PDE4D: variants seen among roughly 807,000 people sequenced by gnomAD.
PDE4D encodes the protein 3',5'-cyclic-AMP phosphodiesterase 4D.
Under a neutral mutation model 87.4 loss-of-function variants are expected in PDE4D, and 24 were observed. The ratio of observed to expected loss-of-function variants is 0.27; its 90% CI spans 0.20 to 0.39. The LOEUF is 0.39. Ranked by LOEUF, PDE4D falls within the 10% of genes least tolerant of loss-of-function variation. PDE4D has a pLI of 1.00. For missense variants in PDE4D, 714 were observed against 1,041.0 expected (o/e 0.69, Z 4.32); for synonymous variants, 384 against 383.2 (o/e 1.00, Z -0.02).
chr5:59,627,876 C>T (rs933428457), intron 1 of PDE4D, among the ~76,000 whole-genome samples: 2 of 152,112 alleles, frequency 1.3e-5, no homozygotes, highest in East Asian at 3.9e-4. Flanking sequence ...AAGAAATGAG[C>T]CCACACGTGA....
chr5:59,348,362 G>C (rs529618415), intron 1 of PDE4D, among the ~76,000 whole-genome samples: 11 of 152,068 alleles, frequency 7.2e-5, no homozygotes, highest in Non-Finnish European at 1.6e-4. Flanking sequence ...TCCACATTTA[G>C]TGACCTCTGC....
At chr5:59,596,941 T>C (rs1284093561) in intron 1 of PDE4D, among the ~76,000 whole-genome samples, 1 of 152,066 alleles carries the variant, frequency 6.6e-6, no homozygotes, top group Non-Finnish European at 1.5e-5. Flanking sequence ...AAAGAGACAG[T>C]GGCAATTACA....
chr5:59,067,237 A>C (rs1245448857), intron 5 of PDE4D, among the ~76,000 whole-genome samples: 1 of 151,746 alleles, frequency 6.6e-6, no homozygotes, highest in Non-Finnish European at 1.5e-5. Context: ...GGCTGGTCTG[A>C]AACTCCTGAC....
chr5:59,015,727 A>G (rs10042103), intron 6 of PDE4D, among the ~76,000 whole-genome samples: 15,486 of 152,096 alleles, frequency 0.1, 1,037 homozygotes, highest in Non-Finnish European at 0.13. Flanking sequence ...AATTCCTCAA[A>G]GGTCTAGAAC....
intron 1 of PDE4D, among the ~76,000 whole-genome samples, chr5:59,439,164 G>A (rs1471020706): frequency 6.6e-6 from 1 of 152,040 alleles, no homozygotes; most frequent in Non-Finnish European, 1.5e-5. Context: ...TTCGAGACCA[G>A]CTTGACCACC....
chr5:60,421,928 C>T (rs1381451339), intron 1 of PDE4D, among the ~76,000 whole-genome samples: 1 of 151,772 alleles, frequency 6.6e-6, no homozygotes, highest in African/African-American at 2.4e-5. Context: ...TAGATCAAGT[C>T]GAAGAAAGGA....
chr5:60,258,550 G>A (rs943742380), intron 1 of PDE4D, among the ~76,000 whole-genome samples: 2 of 151,892 alleles, frequency 1.3e-5, no homozygotes, highest in African/African-American at 4.8e-5. Flanking sequence ...CTTTTGAAAA[G>A]CAGTTTGCCA....
intron 1 of PDE4D, among the ~76,000 whole-genome samples, chr5:59,691,559 G>C (rs1000925283): frequency 6.8e-6 from 1 of 146,516 alleles, no homozygotes; most frequent in African/African-American, 2.5e-5. Context: ...ACCACACACC[G>C]GGGTCTGTCA....
intron 1 of PDE4D, among the ~76,000 whole-genome samples, chr5:59,866,371 G>A (rs1258763904): frequency 6.6e-6 from 1 of 152,138 alleles, no homozygotes; most frequent in Non-Finnish European, 1.5e-5. Flanking sequence ...TTCCATCACT[G>A]AGAATAAGTG....
intron 1 of PDE4D, among the ~76,000 whole-genome samples, chr5:60,288,417 GA>G: frequency 6.6e-6 from 1 of 152,178 alleles, no homozygotes; most frequent in Non-Finnish European, 1.5e-5. Context: ...TCCACCCCCA[GA>G]AAAGTTTGAC....
chr5:59,170,763 A>G (rs1782621694), intron 5 of PDE4D, among the ~76,000 whole-genome samples: 1 of 152,164 alleles, frequency 6.6e-6, no homozygotes, highest in South Asian at 2.1e-4. Context: ...TCATTTTATT[A>G]TGGGAATTTT....
At chr5:60,037,203 T>C (rs981594035) in intron 2 of PDE4D, among the ~76,000 whole-genome samples, 1 of 152,136 alleles carries the variant, frequency 6.6e-6, no homozygotes, top group Non-Finnish European at 1.5e-5. Context: ...AATCTTGAAG[T>C]TTGGGGCATT....
At chr5:60,366,807 T>C (rs1365592244) in intron 1 of PDE4D, among the ~76,000 whole-genome samples, 10 of 152,174 alleles carry the variant, frequency 6.6e-5, no homozygotes, top group Non-Finnish European at 4.4e-5. Flanking sequence ...TTCATGCAAA[T>C]GAAATAAACA....
chr5:59,140,635 A>C (rs1777750072), intron 5 of PDE4D, among the ~76,000 whole-genome samples: 1 of 152,254 alleles, frequency 6.6e-6, no homozygotes, highest in African/African-American at 2.4e-5. Context: ...TTTTAAGAAA[A>C]TTTAATAACA....
chr5:59,325,128 GC>G (rs1358949135), intron 1 of PDE4D, among the ~76,000 whole-genome samples: 1 of 152,094 alleles, frequency 6.6e-6, no homozygotes, highest in African/African-American at 2.4e-5. Flanking sequence ...AAATTCAGAA[GC>G]CTCTAGAAAA....
At chr5:59,388,647 A>ACACACACACACACACACACT in intron 1 of PDE4D, among the ~76,000 whole-genome samples, 1 of 151,392 alleles carries the variant, frequency 6.6e-6, no homozygotes, top group Admixed American at 6.6e-5. Flanking sequence ...ACACACACAC[A>ACACACACACACACACACACT]CTCACACACT....
chr5:59,952,170 T>C (rs895070151), intron 3 of PDE4D, among the ~76,000 whole-genome samples: 13 of 152,310 alleles, frequency 8.5e-5, no homozygotes, highest in African/African-American at 3.1e-4. Flanking sequence ...TCCTCTCACC[T>C]GCCACCATGT....
chr5:59,507,460 G>A (rs769869723), intron 1 of PDE4D, among the ~76,000 whole-genome samples: 2 of 151,938 alleles, frequency 1.3e-5, no homozygotes, highest in Non-Finnish European at 2.9e-5. Context: ...CCAGGAGTTT[G>A]AGTCTAGCCT....
intron 1 of PDE4D, among the ~76,000 whole-genome samples, chr5:60,389,119 C>A (rs2150022717): frequency 6.6e-6 from 1 of 152,196 alleles, no homozygotes; most frequent in East Asian, 1.9e-4. Flanking sequence ...AATCAAAGAG[C>A]AAATCTATGA....
Sources: allele counts gnomAD v4.1 joint callset (sites outside exome capture counted in the v4.1 genomes callset), GRCh38; gene constraint gnomAD v4.1.1; transcripts MANE v1.5; gene names NCBI Gene and HGNC (gene_info 2026-07-23, HGNC 2026-07-21).